SPOPL: variants seen among roughly 807,000 people sequenced by gnomAD.
SPOPL encodes the protein speckle type BTB/POZ protein like, also known as speckle-type POZ protein-like.
A neutral mutation model predicts 53.8 loss-of-function variants in SPOPL; 23 were observed. The observed-to-expected ratio is 0.43, with a 90% CI of 0.31 to 0.61. SPOPL has a LOEUF of 0.61. Ranked by LOEUF, SPOPL falls within the 20% of genes least tolerant of loss-of-function variation. The pLI is 0.12. For synonymous variants in SPOPL, 164 were observed against 149.7 expected, an observed-to-expected ratio of 1.10 and a Z score of -0.70; for missense variants, 442 against 466.9, an observed-to-expected ratio of 0.95 and a Z score of 0.49.
intron 1 of SPOPL, among the ~76,000 whole-genome samples, 151 bp downstream of exon 1, chr2:138,502,270 C>T (rs1043489104): frequency 3.3e-5 from 5 of 152,216 alleles, no homozygotes; most frequent in African/African-American, 1.2e-4. Context: ...GCGGCGAGCT[C>T]CGGCCTGCTC....
intron 1 of SPOPL, among the ~76,000 whole-genome samples, chr2:138,502,688 A>G (rs78231941): frequency 4.9e-4 from 75 of 151,962 alleles, no homozygotes; most frequent in Middle Eastern, 3.4e-3. Flanking sequence ...TTTCTAATAC[A>G]TTTTTGCTCA....
intron 1 of SPOPL, among the ~76,000 whole-genome samples, chr2:138,531,546 G>A (rs1480164067): frequency 2.0e-5 from 3 of 152,114 alleles, no homozygotes; most frequent in African/African-American, 7.2e-5. Context: ...ACTCCACTAA[G>A]TAGGTGTTAG....
chr2:138,534,098 A>G (rs1684875534), intron 1 of SPOPL, among the ~76,000 whole-genome samples: 1 of 152,142 alleles, frequency 6.6e-6, no homozygotes, highest in Non-Finnish European at 1.5e-5. Flanking sequence ...AATTGAAGAC[A>G]TTTTTTAAAG....
chr2:138,546,402 G>A (rs888065346), intron 1 of SPOPL, among the ~76,000 whole-genome samples: 1 of 152,110 alleles, frequency 6.6e-6, no homozygotes, highest in Non-Finnish European at 1.5e-5. Context: ...GAATAGGAAG[G>A]CCTGAATGTT....
At chr2:138,506,551 G>A (rs1218394725) in intron 1 of SPOPL, among the ~76,000 whole-genome samples, 5 of 152,158 alleles carry the variant, frequency 3.3e-5, no homozygotes, top group Non-Finnish European at 7.3e-5. Context: ...TTTAGAGATG[G>A]ATGAGATTTG....
At chr2:138,563,281 C>G (rs1397094741) in intron 8 of SPOPL, among the ~76,000 whole-genome samples, 1 of 152,074 alleles carries the variant, frequency 6.6e-6, no homozygotes, top group African/African-American at 2.4e-5. Context: ...GGTTTGAAAC[C>G]AGCCTATGCA....
At chr2:138,525,790 A>G (rs888792921) in intron 1 of SPOPL, among the ~76,000 whole-genome samples, 4 of 151,552 alleles carry the variant, frequency 2.6e-5, no homozygotes, top group Middle Eastern at 6.8e-3. Flanking sequence ...GTGAGCCTTG[A>G]CTGTGCCACT....
chr2:138,559,666 T>TA (rs1258859844), intron 7 of SPOPL, among the ~76,000 whole-genome samples: 1 of 152,230 alleles, frequency 6.6e-6, no homozygotes, highest in Non-Finnish European at 1.5e-5. Flanking sequence ...TCTCCCTTTG[T>TA]AAGACTTTAT....
At position 138,570,864 on chromosome 2, in the gene SPOPL, G is replaced by A. The variant is rs1357754935; in HGVS notation, c.*1784G>A. 2.0e-5 allele frequency: 3 copies of A among 152,036 alleles called. No individual in the cohort carries two copies. The highest frequency in any genetic ancestry group is 1.3e-4 in the Admixed American group (2 of 15,254). The allele number at this position is 152,036 out of a possible 1,614,324, so 9.4% of individuals were successfully genotyped here. A position where few individuals can be genotyped will look rare whatever the true frequency, so the allele number is the denominator to read the frequency against. ...AGCATTTGTTATCCACAACAACCTA[G>A]AGTTTAAAAAGATCGTATTTTCACC... On this transcript the variant is annotated 3_prime_UTR_variant, in exon 11 of 11. Coordinates refer to ENST00000280098, the MANE Select transcript of SPOPL (RefSeq NM_001001664.3).
intron 1 of SPOPL, among the ~76,000 whole-genome samples, chr2:138,525,667 A>AAACAAAC (rs1407594763): frequency 8.7e-5 from 13 of 148,708 alleles, no homozygotes; most frequent in South Asian, 2.2e-4. Flanking sequence ...AAAAAAAAAA[A>AAACAAAC]AAAAAAATAC....
At chr2:138,523,610 A>T (rs759640935) in intron 1 of SPOPL, among the ~76,000 whole-genome samples, 14 of 152,322 alleles carry the variant, frequency 9.2e-5, no homozygotes, top group Middle Eastern at 3.4e-3. Flanking sequence ...TCCTAGATAC[A>T]GTGGGGGTAC....
At chr2:138,524,240 G>A (rs927755207) in intron 1 of SPOPL, among the ~76,000 whole-genome samples, 7 of 152,298 alleles carry the variant, frequency 4.6e-5, no homozygotes, top group Middle Eastern at 6.8e-3. Flanking sequence ...CCTTGACCCC[G>A]TTTAGTCACA....
chr2:138,518,584 A>T (rs752991119), intron 1 of SPOPL, among the ~76,000 whole-genome samples: 10 of 152,222 alleles, frequency 6.6e-5, no homozygotes, highest in Non-Finnish European at 1.2e-4. Flanking sequence ...TCACCATTGA[A>T]ACAACAGCCA....
chr2:138,529,059 C>T (rs1684742841), intron 1 of SPOPL, among the ~76,000 whole-genome samples: 1 of 152,126 alleles, frequency 6.6e-6, no homozygotes, highest in Non-Finnish European at 1.5e-5. Context: ...CCTTATAGTA[C>T]AGATAAGTTT....
At position 138,564,708 on chromosome 2, in the gene SPOPL, T is replaced by C. The variant is rs2104906002; in HGVS notation, c.838T>C (p.Tyr280His). The C allele has an allele frequency of 6.2e-7, 1 of 1,614,094 alleles. No individual in the cohort carries two copies. The highest frequency in any genetic ancestry group is 8.5e-7 in the Non-Finnish European group (1 of 1,179,974). ...ATGGTTATGTTTTCATTTTGGATAG[T>C]ATGCACTGGAACGGCTGAAGGTCAT... ...ADNLLAAADK[Y>H]ALERLKVMCE... is the part of the protein sequence containing the mutation. The change falls in exon 9 of 11, where the codon TAT (tyrosine) becomes CAT (histidine). Residue 280 changes from tyrosine to histidine, a missense_variant and splice_region_variant. Physicochemically the swap from Tyr to His is moderately conservative, Grantham distance 83 (BLOSUM62 2). Transcript: ENST00000280098.
In SPOPL at chr2:138,550,888, ATTG is replaced by A. The variant is rs746926094; in HGVS notation, c.201-12_201-10del. On this transcript the variant is annotated splice_polypyrimidine_tract_variant and intron_variant, in intron 3 of 10. Coordinates refer to ENST00000280098, the MANE Select transcript of SPOPL (RefSeq NM_001001664.3). ...GTATTATATTCCTCCATGTGAGCTT[ATTG>A]TTTTATTTTAGGTGCCTGAGGGTAA... 1 of 1,594,924 alleles carries A rather than the reference ATTG, an allele frequency of 6.3e-7. No individual in the cohort carries two copies. The highest frequency in any genetic ancestry group is 1.8e-5 in the Admixed American group (1 of 56,358).
intron 1 of SPOPL, among the ~76,000 whole-genome samples, chr2:138,544,982 C>A (rs948052355): frequency 6.6e-6 from 1 of 152,192 alleles, no homozygotes; most frequent in African/African-American, 2.4e-5. Context: ...TCCCCAGCTT[C>A]TTCCTTCCCA....
chr2:138,551,182 T>G, intron 4 of SPOPL, 128 bp downstream of exon 4: 1 of 993,794 alleles, frequency 1.0e-6, no homozygotes, highest in Non-Finnish European at 1.5e-6. Flanking sequence ...AACTTTTAAT[T>G]TGACCATTAT....
intron 1 of SPOPL, among the ~76,000 whole-genome samples, chr2:138,535,066 C>T (rs1467607738): frequency 6.6e-6 from 1 of 152,126 alleles, no homozygotes; most frequent in Admixed American, 6.6e-5. Context: ...AACTGAGCAA[C>T]AGTGAGATCT....
Sources: gnomAD v4.1 joint callset for allele counts (sites outside exome capture counted in the v4.1 genomes callset) on GRCh38, gnomAD v4.1.1 for gene constraint, MANE v1.5 for transcripts, NCBI Gene and HGNC (gene_info 2026-07-23, HGNC 2026-07-21) for gene names.